NSD1: variants seen among roughly 807,000 people sequenced by gnomAD.
NSD1 encodes the protein histone-lysine N-methyltransferase, H3 lysine-36 specific.
Under a neutral mutation model 242.7 loss-of-function variants are expected in NSD1, and 26 were observed. The ratio of observed to expected loss-of-function variants is 0.11; its 90% CI spans 0.08 to 0.15. NSD1 has a LOEUF of 0.15. Ranked by LOEUF, NSD1 falls within the 10% of genes least tolerant of loss-of-function variation. The probability of loss-of-function intolerance (pLI) is 1.00; values close to 1 mark genes in which losing one functional copy is unlikely to be tolerated. For missense variants in NSD1, 2,495 were observed against 3,272.8 expected (o/e 0.76, Z 5.80); for synonymous variants, 1,106 against 1,178.1 (o/e 0.94, Z 1.25).
intron 11 of NSD1, among the ~76,000 whole-genome samples, chr5:177,250,130 T>C (rs2149902287): frequency 6.6e-6 from 1 of 152,296 alleles, no homozygotes; most frequent in South Asian, 2.1e-4. Context: ...TCTAAAAAAG[T>C]AAACTCAGAC....
rs1169615747 is a variant in NSD1, at chr5:177,210,704, A to G, written c.2305A>G (p.Lys769Glu). 7 of 1,614,204 alleles carry G rather than the reference A, an allele frequency of 4.3e-6. No individual in the cohort carries two copies. The South Asian group carries it at 7.7e-5, about 18-fold the overall frequency. ...SSISSENSLI[K>E]GGAANQALLH... is the part of the protein sequence containing the mutation. ...CATATCCAGTGAGAACTCGTTAATA[A>G]AGGGTGGGGCAGCAAATCAAGCTCT... Residue 769 changes from lysine (K) to glutamate (E), a missense_variant, in exon 5 of 23, where the codon AAG becomes GAG. Coordinates refer to ENST00000439151, the MANE Select transcript of NSD1 (RefSeq NM_022455.5).
intron 14 of NSD1, chr5:177,266,663 A>G (rs1757502729): frequency 2.7e-6 from 1 of 365,722 alleles, no homozygotes; most frequent in African/African-American, 2.1e-5. Context: ...AAGAGGTGAA[A>G]GAAGCACAGT....
At chr5:177,132,734 G>C (rs10476217), upstream of NSD1, among the ~76,000 whole-genome samples, 49,032 of 151,778 alleles carry the variant, frequency 0.32, 10,898 homozygotes, top group African/African-American at 0.62. The surrounding 1 kb of genome is among the most constrained non-coding windows in gnomAD (Gnocchi z 7.5). Flanking sequence ...GAGCAGTGCC[G>C]GGGCGGGTAA....
chr5:177,268,476 A>G (rs552291795), intron 15 of NSD1, among the ~76,000 whole-genome samples: 1 of 152,204 alleles, frequency 6.6e-6, no homozygotes, highest in Admixed American at 6.5e-5. Flanking sequence ...AAGTATAATA[A>G]TAATAAAATT....
intron 5 of NSD1, among the ~76,000 whole-genome samples, chr5:177,229,297 T>C (rs1764873696): frequency 6.6e-6 from 1 of 152,234 alleles, no homozygotes; most frequent in African/African-American, 2.4e-5. Flanking sequence ...TATCTCTTTC[T>C]TCACAATACA....
chr5:177,232,513 A>C (rs971213830), intron 5 of NSD1, among the ~76,000 whole-genome samples: 1 of 152,190 alleles, frequency 6.6e-6, no homozygotes, highest in Non-Finnish European at 1.5e-5. Context: ...AGTTTATTCA[A>C]CGTCCCCCAG....
rs1760444555 is a variant in NSD1, at chr5:177,299,339, A to G, written c.*3880A>G. The G allele has an allele frequency of 4.3e-6, 1 of 233,304 alleles. No individual in the cohort carries two copies. The highest frequency in any genetic ancestry group is 8.5e-6 in the Non-Finnish European group (1 of 118,042). 14.5% of individuals were successfully genotyped at this position (233,304 alleles called of 1,614,324 possible). The stretch of plus-strand genomic sequence containing the variant: ...AAAAGTGGGGAGAAGGAAGATCCTC[A>G]GTGAAGCCTGCACCCAACCCTGGAG... On this transcript the variant is annotated 3_prime_UTR_variant, in exon 23 of 23. Coordinates refer to ENST00000439151, the MANE Select transcript of NSD1 (RefSeq NM_022455.5).
chr5:177,135,248 C>T lies in NSD1; in HGVS notation c.145C>T (p.Gln49Ter), dbSNP rs1336273625. The T allele has an allele frequency of 1.9e-6, 3 of 1,613,754 alleles. No homozygotes were observed. Among genetic ancestry groups the T allele is most frequent in the Non-Finnish European group, 2.5e-6 (3 of 1,179,660 alleles). Residue 49 changes from glutamine (Q) to a stop codon, truncating the protein, a stop_gained, in exon 2 of 23, where the codon CAG (glutamine) becomes TAG (stop). Coordinates refer to ENST00000439151, the MANE Select transcript of NSD1 (RefSeq NM_022455.5). LOFTEE classifies it high-confidence loss of function. ...TGAGCCACTTAATGGGTGTACTATG[C>T]AGTTATCGACTGTCAGTGGAACATC... The part of the protein sequence containing the change: ...FSEPLNGCTM[Q>*]LSTVSGTSQN...
intron 2 of NSD1, among the ~76,000 whole-genome samples, chr5:177,149,998 G>A (rs1215146969): frequency 3.9e-5 from 6 of 151,986 alleles, no homozygotes; most frequent in Non-Finnish European, 7.4e-5. Flanking sequence ...GTGCAATTGC[G>A]TGATCTTGGC....
chr5:177,163,803 C>T (rs747707309), intron 2 of NSD1, among the ~76,000 whole-genome samples: 1 of 152,124 alleles, frequency 6.6e-6, no homozygotes, highest in Non-Finnish European at 1.5e-5. Context: ...GAAATTGAAG[C>T]TTAGAGAGAT....
At chr5:177,292,466 G>C (rs1440552973) in intron 22 of NSD1, among the ~76,000 whole-genome samples, 2 of 152,200 alleles carry the variant, frequency 1.3e-5, no homozygotes, top group African/African-American at 4.8e-5. Context: ...ACAGAGTGAG[G>C]ATTGGGGAGG....
Position 177,209,578 on chromosome 5 carries a change from C to G in NSD1, c.1237-58C>G. ...AAAAAAAGCTTCTGATTTCATCTCC[C>G]TTTTCCCCCACCCATTTCTTTGATA... On this transcript the variant is annotated intron_variant, in intron 4 of 22. Transcript: ENST00000439151. 4 of 1,306,772 alleles carry G rather than the reference C, an allele frequency of 3.1e-6. No individual in the cohort carries two copies. The East Asian group carries it at 9.5e-5, about 31-fold the overall frequency. The allele number at this position is 1,306,772 out of a possible 1,614,324, so 80.9% of individuals were successfully genotyped here. A position where few individuals can be genotyped will look rare whatever the true frequency, so the allele number is the denominator to read the frequency against.
In NSD1 at chr5:177,211,434, G is replaced by T; in HGVS notation, c.3035G>T (p.Arg1012Leu). Residue 1012 changes from arginine to leucine, a missense_variant, in exon 5 of 23, where the codon CGT becomes CTT. Coordinates refer to ENST00000439151, the MANE Select transcript of NSD1 (RefSeq NM_022455.5). ...GACCTCCCTGCTTCTGGTAAAAGTC[G>T]TTCAGACTGTGTTACTAGGCGCAAC... ...KRDLPASGKS[R>L]SDCVTRRNCG... 1.2e-6 allele frequency: 2 copies of T among 1,614,126 alleles called. No individual in the cohort carries two copies. The highest frequency in any genetic ancestry group is 2.2e-5 in the East Asian group (1 of 44,890).
At chr5:177,207,888 A>G (rs1450496720) in intron 4 of NSD1, among the ~76,000 whole-genome samples, 1 of 151,750 alleles carries the variant, frequency 6.6e-6, no homozygotes, top group Non-Finnish European at 1.5e-5. Flanking sequence ...GACCATATGC[A>G]TGCAGCATGT....
At chr5:177,199,482 A>G (rs115788448) in intron 3 of NSD1, among the ~76,000 whole-genome samples, 1 of 152,134 alleles carries the variant, frequency 6.6e-6, no homozygotes, top group Admixed American at 6.5e-5. Flanking sequence ...GTCTTGAACT[A>G]CTGGGCTCAA....
At chr5:177,185,809 A>T (rs1174997652) in intron 2 of NSD1, among the ~76,000 whole-genome samples, 1 of 85,476 alleles carries the variant, frequency 1.2e-5, no homozygotes, top group Non-Finnish European at 2.0e-5. Context: ...ATATATATAA[A>T]TTTATATATA....
chr5:177,220,541 A>AT (rs1222820462), intron 5 of NSD1, among the ~76,000 whole-genome samples: 2 of 77,360 alleles, frequency 2.6e-5, no homozygotes, highest in East Asian at 7.2e-4. Flanking sequence ...AGTTTAATCC[A>AT]TTTTTTTTCT....
intron 3 of NSD1, among the ~76,000 whole-genome samples, chr5:177,198,456 C>T (rs912660239): frequency 2.6e-5 from 4 of 152,032 alleles, no homozygotes; most frequent in African/African-American, 4.8e-5. Context: ...TGGCAGAGAG[C>T]GAAAGTACTC....
intron 4 of NSD1, among the ~76,000 whole-genome samples, chr5:177,206,027 T>C (rs939754602): frequency 2.0e-5 from 3 of 152,012 alleles, no homozygotes; most frequent in African/African-American, 7.3e-5. Context: ...TTAAACAGAG[T>C]CTTGCTCTGT....
Sources: allele counts gnomAD v4.1 joint callset (sites outside exome capture counted in the v4.1 genomes callset), GRCh38; gene constraint gnomAD v4.1.1; non-coding constraint Gnocchi (gnomAD v3.1); transcripts MANE v1.5; gene names NCBI Gene and HGNC (gene_info 2026-07-23, HGNC 2026-07-21).